The following MTMR8 variants were observed in gnomAD, a reference collection of about 807,000 sequenced individuals.
The protein encoded by MTMR8 is myotubularin related protein 8, also known as phosphatidylinositol-3,5-bisphosphate 3-phosphatase MTMR8.
MTMR8 carries 65 observed loss-of-function variants against 39.3 expected under a neutral mutation model. The observed-to-expected ratio is 1.65, with a 90% confidence interval of 1.35 to 2.03. The LOEUF is 2.03. Among genes scored for constraint, MTMR8 ranks in the 30% most tolerant of loss-of-function variants. The pLI is 0.00. For synonymous variants in MTMR8, 245 were observed against 185.2 expected (o/e 1.32, Z -2.62); for missense variants, 777 against 538.9 (o/e 1.44, Z -4.37).
At chrX:64,325,226 A>C (rs767514412) in intron 12 of MTMR8, among the ~76,000 whole-genome samples, 53 of 112,245 alleles carry the variant, frequency 4.7e-4, no homozygotes, top group Non-Finnish European at 8.3e-4. Context: ...TCTACCAAAC[A>C]TTTAAAGAAT....
At chrX:64,291,684 G>A (rs951569789) in intron 12 of MTMR8, among the ~76,000 whole-genome samples, 2 of 111,786 alleles carry the variant, frequency 1.8e-5, no homozygotes, top group African/African-American at 3.2e-5. Context: ...GTCAATAGGA[G>A]GATTAACTGT....
chrX:64,341,434 G>T (rs1368131782), intron 8 of MTMR8, among the ~76,000 whole-genome samples: 2 of 99,856 alleles, frequency 2.0e-5, no homozygotes, highest in African/African-American at 7.5e-5. Flanking sequence ...AACCGAGATC[G>T]TGCCACTGCA....
At chrX:64,300,157 T>C (rs988959696) in intron 12 of MTMR8, among the ~76,000 whole-genome samples, 5 of 106,699 alleles carry the variant, frequency 4.7e-5, no homozygotes, top group Non-Finnish European at 9.7e-5. Context: ...GTCTCATTGA[T>C]CTGTCTAATG....
At chrX:64,274,721 T>C (rs996332164) in intron 12 of MTMR8, among the ~76,000 whole-genome samples, 20 of 112,334 alleles carry the variant, frequency 1.8e-4, no homozygotes, top group Non-Finnish European at 3.8e-5. Context: ...AATACTATTC[T>C]ACCTTAAAGA....
intron 8 of MTMR8, among the ~76,000 whole-genome samples, chrX:64,342,752 C>A (rs995788930): frequency 8.9e-6 from 1 of 111,861 alleles, no homozygotes; most frequent in Non-Finnish European, 1.9e-5. Context: ...AATCTTCAAA[C>A]CTTTTAAGCC....
intron 12 of MTMR8, among the ~76,000 whole-genome samples, chrX:64,285,545 T>A (rs1028771284): frequency 2.7e-5 from 3 of 111,681 alleles, no homozygotes; most frequent in African/African-American, 9.8e-5. Flanking sequence ...ACACCACACC[T>A]ATTCCAAAAC....
chrX:64,308,972 G>C (rs759406802), intron 12 of MTMR8, among the ~76,000 whole-genome samples: 1 of 111,837 alleles, frequency 8.9e-6, no homozygotes, highest in African/African-American at 3.2e-5. Flanking sequence ...TGTACTTGTT[G>C]TTTGTTTGTT....
At chrX:64,345,477 T>C (rs1226974667) in intron 6 of MTMR8, among the ~76,000 whole-genome samples, 2 of 112,231 alleles carry the variant, frequency 1.8e-5, no homozygotes, top group Non-Finnish European at 3.8e-5. Context: ...AAAACTGAAA[T>C]AATAATTTTG....
At chrX:64,275,818 AAAG>A (rs1931861298) in intron 12 of MTMR8, among the ~76,000 whole-genome samples, 1 of 111,442 alleles carries the variant, frequency 9.0e-6, no homozygotes, top group Admixed American at 9.6e-5. Flanking sequence ...CAAAAATAAA[AAAG>A]ATCATAAGGA....
intron 12 of MTMR8, among the ~76,000 whole-genome samples, chrX:64,301,073 A>G (rs1438185997): frequency 2.9e-5 from 3 of 105,041 alleles, no homozygotes; most frequent in Admixed American, 1.0e-4. Flanking sequence ...GCTCTTCTTG[A>G]GGAGTATCTT....
chrX:64,366,817 G>C (rs1353607813), intron 1 of MTMR8, among the ~76,000 whole-genome samples: 2 of 111,649 alleles, frequency 1.8e-5, no homozygotes, highest in Non-Finnish European at 3.8e-5. Flanking sequence ...GAATCCAGGA[G>C]CTGGGTTTTT....
intron 6 of MTMR8, 55 bp downstream of exon 6, chrX:64,348,605 A>G: frequency 3.4e-6 from 4 of 1,182,734 alleles, no homozygotes; most frequent in Non-Finnish European, 4.6e-6. Flanking sequence ...TCAATATATG[A>G]GGAGGTAGAA....
intron 12 of MTMR8, among the ~76,000 whole-genome samples, chrX:64,326,141 T>C (rs1361762103): frequency 8.9e-6 from 1 of 111,831 alleles, no homozygotes; most frequent in South Asian, 3.7e-4. Context: ...TGGATCATCA[T>C]AAACATCTAC....
chrX:64,289,406 G>T (rs1001808081), intron 12 of MTMR8, among the ~76,000 whole-genome samples: 4 of 110,172 alleles, frequency 3.6e-5, no homozygotes, highest in African/African-American at 6.6e-5. Context: ...ATATAATCCA[G>T]AAATTCCACT....
chrX:64,384,798 G>C (rs911131990), intron 1 of MTMR8, among the ~76,000 whole-genome samples: 1 of 112,349 alleles, frequency 8.9e-6, no homozygotes, highest in Non-Finnish European at 1.9e-5. Context: ...TGATGGGAGG[G>C]GCTGCCATTA....
chrX:64,312,193 T>C (rs911067094), intron 12 of MTMR8, among the ~76,000 whole-genome samples: 2 of 111,819 alleles, frequency 1.8e-5, no homozygotes, highest in Non-Finnish European at 3.8e-5. Context: ...CAGTGGTTTT[T>C]AGTTGTTCTT....
intron 12 of MTMR8, among the ~76,000 whole-genome samples, chrX:64,283,300 A>C (rs142672258): frequency 0.011 from 1,231 of 111,808 alleles, 23 homozygotes; most frequent in African/African-American, 0.036. Context: ...ATTGCTGAGG[A>C]TTCAGTAAGT....
At chrX:64,391,917 C>A (rs1388371263) in intron 1 of MTMR8, among the ~76,000 whole-genome samples, 1 of 112,093 alleles carries the variant, frequency 8.9e-6, no homozygotes, top group Non-Finnish European at 1.9e-5. Flanking sequence ...CCAGTTGAAG[C>A]TCAATAAATG....
At chrX:64,367,151 C>T (rs974517283) in intron 1 of MTMR8, among the ~76,000 whole-genome samples, 31 of 111,015 alleles carry the variant, frequency 2.8e-4, no homozygotes, top group Admixed American at 2.6e-3. Flanking sequence ...CAGGACCAGA[C>T]AGATTCATAG....
Sources: allele counts gnomAD v4.1 joint callset (sites outside exome capture counted in the v4.1 genomes callset), GRCh38; gene constraint gnomAD v4.1.1; transcripts MANE v1.5; gene names NCBI Gene and HGNC (gene_info 2026-07-23, HGNC 2026-07-21).